LMTK2: variants seen among roughly 807,000 people sequenced by gnomAD.
LMTK2 encodes the protein lemur tail kinase 2.
In LMTK2, 37 loss-of-function variants were observed where a neutral mutation model predicts 127.5. The ratio of observed to expected loss-of-function variants is 0.29; its 90% CI spans 0.22 to 0.38. The LOEUF is 0.38. LMTK2 is among the 10% of genes least tolerant of loss of function. The pLI is 1.00. For synonymous variants in LMTK2, 819 were observed against 810.1 expected (o/e 1.01, Z -0.19); for missense variants, 1,694 against 1,920.3 (o/e 0.88, Z 2.20).
intron 1 of LMTK2, among the ~76,000 whole-genome samples, chr7:98,134,905 AC>A (rs1420513597): frequency 6.6e-6 from 1 of 152,240 alleles, no homozygotes; most frequent in African/African-American, 2.4e-5. Context: ...AAGAGGAAGC[AC>A]CGAGTTACCT....
At chr7:98,168,807 G>A (rs1797141420) in intron 6 of LMTK2, among the ~76,000 whole-genome samples, 2 of 152,102 alleles carry the variant, frequency 1.3e-5, no homozygotes, top group African/African-American at 2.4e-5. Flanking sequence ...GCCATCTAGT[G>A]TCCTAAGTTT....
chr7:98,134,858 G>C (rs551733316), intron 1 of LMTK2, among the ~76,000 whole-genome samples: 6 of 152,282 alleles, frequency 3.9e-5, no homozygotes, highest in Admixed American at 2.0e-4. Context: ...GGGAGTTCTT[G>C]TTCTCATTGA....
intron 11 of LMTK2, among the ~76,000 whole-genome samples, chr7:98,202,894 AG>A (rs1266982624): frequency 6.6e-6 from 1 of 152,110 alleles, no homozygotes; most frequent in Non-Finnish European, 1.5e-5. Context: ...TAGAAAGTTG[AG>A]GCTTTAGTTA....
In LMTK2 at chr7:98,207,531, G is replaced by A. The variant is rs1163180347; in HGVS notation, c.*2039G>A. The A allele has an allele frequency of 6.6e-6, 1 of 151,246 alleles. No homozygotes were observed. The highest frequency in any genetic ancestry group is 1.5e-5 in the Non-Finnish European group (1 of 67,916). The allele number at this position is 151,246 out of a possible 1,614,324, so 9.4% of individuals were successfully genotyped here. A position where few individuals can be genotyped will look rare whatever the true frequency, so the allele number is the denominator to read the frequency against. On this transcript the variant is annotated 3_prime_UTR_variant, in exon 14 of 14. Transcript: ENST00000297293. The stretch of plus-strand genomic sequence containing the variant: ...TTTTTTTTTTTTTTTAATTAACAGG[G>A]CATTAGAAGATGATTTTGCCAAAAT...
intron 1 of LMTK2, among the ~76,000 whole-genome samples, chr7:98,123,849 A>C (rs962668660): frequency 2.0e-5 from 3 of 151,818 alleles, no homozygotes; most frequent in Non-Finnish European, 4.4e-5. Context: ...ATGAGCTTCT[A>C]CTTTACTTCT....
intron 7 of LMTK2, among the ~76,000 whole-genome samples, chr7:98,182,216 C>T (rs1399113685): frequency 6.6e-6 from 1 of 152,126 alleles, no homozygotes; most frequent in Non-Finnish European, 1.5e-5. Flanking sequence ...GGTATGACAT[C>T]AAAGGCACAA....
At chr7:98,161,009 A>C (rs1797007242) in intron 6 of LMTK2, among the ~76,000 whole-genome samples, 1 of 152,170 alleles carries the variant, frequency 6.6e-6, no homozygotes, top group African/African-American at 2.4e-5. Context: ...GTTGTTAAAA[A>C]ATTTTTAAAT....
chr7:98,189,621 T>C (rs1443669362), intron 9 of LMTK2, among the ~76,000 whole-genome samples: 2 of 151,938 alleles, frequency 1.3e-5, no homozygotes, highest in Admixed American at 6.6e-5. Flanking sequence ...TTGCAGTAAA[T>C]AGACACAAAT....
intron 1 of LMTK2, among the ~76,000 whole-genome samples, chr7:98,108,627 G>A (rs746207088): frequency 1.3e-5 from 2 of 152,106 alleles, no homozygotes; most frequent in Non-Finnish European, 2.9e-5. Context: ...AGGCAACCCC[G>A]GAAAGAGTCA....
chr7:98,141,274 CTTAACA>C (rs1796695332), intron 2 of LMTK2, 117 bp from the exon 3 acceptor site: 2 of 856,942 alleles, frequency 2.3e-6, no homozygotes, highest in South Asian at 1.7e-5. Flanking sequence ...ATGCTTTTTA[CTTAACA>C]TTAAGTACAA....
chr7:98,204,032 C>G lies in LMTK2; in HGVS notation c.4329C>G (p.Leu1443=), dbSNP rs1797749230. 1 of 1,614,210 alleles carries G rather than the reference C, an allele frequency of 6.2e-7. No homozygotes were observed. Among genetic ancestry groups the G allele is most frequent in the East Asian group, 2.2e-5 (1 of 44,880 alleles). The change falls in exon 13 of 14, where the codon CTC becomes CTG. Residue 1443 remains leucine, a synonymous_variant. Transcript: ENST00000297293. ...ACCTGCTCAGCTCCAAGCCTTCTCTCCAAACATCCAAGTACTTTTCTCCGC... is the reference window on the plus strand; with the variant it reads ...ACCTGCTCAGCTCCAAGCCTTCTCTGCAAACATCCAAGTACTTTTCTCCGC... ...TSNLLSSKPS[L]QTSKYFSPPP... is the part of the protein sequence containing the mutation.
At chr7:98,191,555 C>T in intron 10 of LMTK2, 59 bp from the exon 11 acceptor site, 1 of 1,170,218 alleles carries the variant, frequency 8.5e-7, no homozygotes, top group South Asian at 1.5e-5. Context: ...CCGTCTCGAA[C>T]CAAAAAAAAA....
intron 3 of LMTK2, 31 bp from the exon 4 acceptor site, chr7:98,151,351 T>G (rs1562906413): frequency 6.9e-7 from 1 of 1,442,838 alleles, no homozygotes; most frequent in South Asian, 1.2e-5. Context: ...TAGATACTTA[T>G]ATTTCATTTT....
rs749778138 is a variant in LMTK2 at position 98,193,840 on chromosome 7, A to G, written c.3375A>G (p.Pro1125=). The G allele has an allele frequency of 1.1e-5, 18 of 1,613,876 alleles. No homozygotes were observed. The African/African-American group carries it at 2.3e-4, about 20-fold the overall frequency. ...CTGAGGAGGTCCCGGGAACCTCCCC[A>G]TCCGCCTTGGTGTTGGTACAGGAGC... The part of the protein sequence containing the change: ...KRSEEVPGTS[P]SALVLVQEQP... Residue 1125 remains proline (P), a synonymous_variant, in exon 11 of 14, where the codon CCA becomes CCG. Transcript: ENST00000297293. This position sits in a 1 kb window ranked among gnomAD's most constrained non-coding sequence, Gnocchi z 4.1.
intron 1 of LMTK2, among the ~76,000 whole-genome samples, chr7:98,113,844 C>T (rs1056006040): frequency 1.3e-5 from 2 of 152,046 alleles, no homozygotes; most frequent in African/African-American, 4.8e-5. Flanking sequence ...AAAATTGTAG[C>T]AAGTGGCTAA....
chr7:98,167,233 T>C (rs892787532), intron 6 of LMTK2, among the ~76,000 whole-genome samples: 2 of 152,230 alleles, frequency 1.3e-5, no homozygotes, highest in African/African-American at 4.8e-5. Flanking sequence ...TAAGCAAATA[T>C]TAAACACATG....
chr7:98,207,398 A>AAC lies in LMTK2; in HGVS notation c.*1907_*1908insCA. 1 of 152,098 alleles carries AAC rather than the reference A, an allele frequency of 6.6e-6. No individual in the cohort carries two copies. Among genetic ancestry groups the AAC allele is most frequent in the South Asian group, 2.1e-4 (1 of 4,812 alleles). The allele number at this position is 152,098 out of a possible 1,614,324, so 9.4% of individuals were successfully genotyped here. On this transcript the variant is annotated 3_prime_UTR_variant, in exon 14 of 14. Coordinates refer to ENST00000297293, the MANE Select transcript of LMTK2 (RefSeq NM_014916.4). ...TTTTTATACTAAGCAATAACTTTCC[A>AAC]AAGCAAGAAGTTCAGGATGGAGAGA...
rs372314088 is a variant in LMTK2 at position 98,140,135 on chromosome 7, T to C, written c.232-1262T>C. ...CTTTCTTTCTTTCTTTCTTTCTTTC[T>C]TTCTTTCTTTTCTTTTCTTTTCTTT... On this transcript the variant is annotated intron_variant, in intron 2 of 13. Transcript: ENST00000297293. 9.9e-3 allele frequency among the ~76,000 whole-genome samples: 598 copies of C among 60,162 alleles called. 18 individuals carry two copies. Among genetic ancestry groups the C allele is most frequent in the African/African-American group, 0.049 (289 of 5,866 alleles). The allele number at this position is 60,162 out of a possible 152,430, so 39.5% of individuals were successfully genotyped here.
At position 98,190,810 on chromosome 7, in the gene LMTK2, C is replaced by T; in HGVS notation, c.1081C>T (p.Gln361Ter). The change falls in exon 10 of 14, where the codon CAA (glutamine) becomes TAA (stop). Residue 361 changes from glutamine to a stop codon, truncating the protein, a stop_gained. Transcript: ENST00000297293. LOFTEE classifies it high-confidence loss of function. ...SNLSNLDVLN[Q>*]VIRERDTKLP... is the part of the protein sequence containing the mutation. Reference sequence around the variant, plus strand: ...CCTTTCCAACTTAGATGTCCTCAACCAAGTCATTAGAGAGAGAGACACAAA... The same window carrying T: ...CCTTTCCAACTTAGATGTCCTCAACTAAGTCATTAGAGAGAGAGACACAAA... 6.2e-7 allele frequency: 1 copy of T among 1,614,012 alleles called. No individual in the cohort carries two copies. The highest frequency in any genetic ancestry group is 8.5e-7 in the Non-Finnish European group (1 of 1,179,954).
Sources: gnomAD v4.1 joint callset for allele counts (sites outside exome capture counted in the v4.1 genomes callset) on GRCh38, gnomAD v4.1.1 for gene constraint, Gnocchi (gnomAD v3.1) non-coding constraint, MANE v1.5 for transcripts, NCBI Gene and HGNC (gene_info 2026-07-23, HGNC 2026-07-21) for gene names.